Variants in HCRTR2 observed in about 807,000 individuals in gnomAD.
The protein encoded by HCRTR2 is hypocretin receptor 2.
A neutral mutation model predicts 49.0 loss-of-function variants in HCRTR2; 22 were observed. The ratio of observed to expected loss-of-function variants is 0.45; its 90% confidence interval spans 0.32 to 0.64. The LOEUF is 0.64. Ranked by LOEUF, HCRTR2 falls within the 30% of genes least tolerant of loss-of-function variation. The probability of loss-of-function intolerance (pLI) is 0.04; values close to 1 mark genes in which losing one functional copy is unlikely to be tolerated. For synonymous variants in HCRTR2, 236 were observed against 205.3 expected, an observed-to-expected ratio of 1.15 and a Z score of -1.28; for missense variants, 491 against 559.4, an observed-to-expected ratio of 0.88 and a Z score of 1.23.
chr6:55,184,801 G>T (rs995525954), intron 1 of HCRTR2, among the ~76,000 whole-genome samples: 2 of 152,100 alleles, frequency 1.3e-5, no homozygotes, highest in Non-Finnish European at 2.9e-5. Flanking sequence ...TTCCTACTCA[G>T]TGACTCTAAA....
At chr6:55,144,897 A>G (rs544761827) in intron 1 of HCRTR2, among the ~76,000 whole-genome samples, 1 of 152,160 alleles carries the variant, frequency 6.6e-6, no homozygotes, top group East Asian at 1.9e-4. Context: ...TTATTCTAAG[A>G]TCTTCTACAG....
intron 1 of HCRTR2, among the ~76,000 whole-genome samples, chr6:55,112,534 T>G (rs1764062703): frequency 6.8e-6 from 1 of 147,580 alleles, no homozygotes; most frequent in South Asian, 2.1e-4. Context: ...ATTCAACCCC[T>G]TTTACAATAG....
intron 3 of HCRTR2, 48 bp from the exon 4 acceptor site, chr6:55,263,659 G>C (rs199867790): frequency 2.1e-6 from 2 of 954,304 alleles, no homozygotes; most frequent in South Asian, 1.3e-5. Context: ...TTTTTTAAAA[G>C]TCCATCAATT....
chr6:55,209,038 A>T (rs1309427673), intron 1 of HCRTR2, among the ~76,000 whole-genome samples: 1 of 152,214 alleles, frequency 6.6e-6, no homozygotes, highest in African/African-American at 2.4e-5. Context: ...ATTTTCTAAG[A>T]TAACTATAGT....
downstream of HCRTR2, among the ~76,000 whole-genome samples, chr6:55,283,078 C>T (rs1284070629): frequency 6.6e-6 from 1 of 152,066 alleles, no homozygotes; most frequent in Non-Finnish European, 1.5e-5. Flanking sequence ...CAACATATGG[C>T]CAGTAAGACT....
intron 1 of HCRTR2, among the ~76,000 whole-genome samples, chr6:55,239,717 G>A (rs895479251): frequency 5.3e-5 from 8 of 151,318 alleles, no homozygotes; most frequent in African/African-American, 1.9e-4. Flanking sequence ...TTTTCTTGAG[G>A]AAATAAAACC....
intron 1 of HCRTR2, among the ~76,000 whole-genome samples, chr6:55,215,805 A>G (rs1765776588): frequency 6.6e-6 from 1 of 152,244 alleles, no homozygotes; most frequent in Non-Finnish European, 1.5e-5. Flanking sequence ...GAAAATACCT[A>G]CAGGTAATAA....
chr6:55,160,092 G>A (rs548116737), intron 1 of HCRTR2, among the ~76,000 whole-genome samples: 1 of 152,140 alleles, frequency 6.6e-6, no homozygotes, highest in Non-Finnish European at 1.5e-5. Flanking sequence ...AGAGAGAAAG[G>A]TCGGGTTACC....
intron 5 of HCRTR2, among the ~76,000 whole-genome samples, chr6:55,277,822 G>A (rs1318501291): frequency 6.6e-6 from 1 of 152,104 alleles, no homozygotes; most frequent in Non-Finnish European, 1.5e-5. Flanking sequence ...CAGTTGCATG[G>A]CAGACATAAA....
Position 55,133,172 on chromosome 6 carries a change from C to G in HCRTR2, c.-378+26627C>G, listed in dbSNP as rs552967718. Reference sequence around the variant, plus strand: ...ACCACCAATAAGTAAAATGGTAGGACTTATTTTTAGAGTAAATTTTTTTTA... The same window carrying G: ...ACCACCAATAAGTAAAATGGTAGGAGTTATTTTTAGAGTAAATTTTTTTTA... On this transcript the variant is annotated intron_variant, in intron 1 of 7. Transcript: ENST00000615358. Among the ~76,000 whole-genome samples the G allele has an allele frequency of 2.6e-5, 4 of 151,852 alleles. No homozygotes were observed. In the South Asian group the frequency reaches 8.3e-4, roughly 31 times the overall value.
chr6:55,114,535 A>G (rs973447798), intron 1 of HCRTR2, among the ~76,000 whole-genome samples: 1 of 151,764 alleles, frequency 6.6e-6, no homozygotes, highest in Non-Finnish European at 1.5e-5. Flanking sequence ...AGATTATCCA[A>G]ATATTTGAAA....
intron 1 of HCRTR2, among the ~76,000 whole-genome samples, chr6:55,180,702 A>C (rs948922178): frequency 6.6e-6 from 1 of 152,190 alleles, no homozygotes; most frequent in African/African-American, 2.4e-5. Flanking sequence ...TAATCTACAG[A>C]TATTTGTTTA....
chr6:55,113,268 G>A (rs1241035674), intron 1 of HCRTR2, among the ~76,000 whole-genome samples: 1 of 151,776 alleles, frequency 6.6e-6, no homozygotes, highest in Non-Finnish European at 1.5e-5. Flanking sequence ...CATAAGCAAA[G>A]ATAAATAGAT....
At chr6:55,234,723 C>T (rs995990160) in intron 1 of HCRTR2, among the ~76,000 whole-genome samples, 2 of 152,112 alleles carry the variant, frequency 1.3e-5, no homozygotes, top group Non-Finnish European at 2.9e-5. Context: ...ACAGCTAGGA[C>T]ACTCATACCA....
intron 1 of HCRTR2, among the ~76,000 whole-genome samples, chr6:55,127,034 C>A (rs1414063670): frequency 6.6e-6 from 1 of 152,116 alleles, no homozygotes; most frequent in Admixed American, 6.6e-5. Flanking sequence ...CCGAGCTGAC[C>A]ACTTGGCTGC....
intron 1 of HCRTR2, among the ~76,000 whole-genome samples, chr6:55,205,741 G>T (rs1198555934): frequency 6.6e-6 from 1 of 152,068 alleles, no homozygotes; most frequent in Non-Finnish European, 1.5e-5. Context: ...GTTTGTTTTT[G>T]ATTGGTTAGT....
intron 4 of HCRTR2, among the ~76,000 whole-genome samples, chr6:55,266,074 G>C (rs749042675): frequency 9.2e-5 from 14 of 152,070 alleles, no homozygotes; most frequent in Non-Finnish European, 1.9e-4. Context: ...GGTTGGACAA[G>C]CTTGCTTAGA....
chr6:55,151,976 A>G (rs62418284), intron 1 of HCRTR2, among the ~76,000 whole-genome samples: 42,259 of 151,768 alleles, frequency 0.28, 6,679 homozygotes, highest in Middle Eastern at 0.47. Context: ...CTAAACAGTA[A>G]GTCTCAAAAA....
At chr6:55,193,596 C>T (rs1765358766) in intron 1 of HCRTR2, among the ~76,000 whole-genome samples, 1 of 151,068 alleles carries the variant, frequency 6.6e-6, no homozygotes, top group Non-Finnish European at 1.5e-5. Context: ...TACCTTCTAG[C>T]AAACCAAAAT....
Sources: gnomAD v4.1 joint callset for allele counts (sites outside exome capture counted in the v4.1 genomes callset) on GRCh38, gnomAD v4.1.1 for gene constraint, MANE v1.5 for transcripts, NCBI Gene and HGNC (gene_info 2026-07-23, HGNC 2026-07-21) for gene names.